The following PAX6 variants were observed in gnomAD, a reference collection of about 807,000 sequenced individuals.
PAX6 encodes the protein paired box 6, also known as paired box protein Pax-6.
PAX6 carries 7 observed loss-of-function variants against 60.7 expected under a neutral mutation model. The ratio of observed to expected loss-of-function variants is 0.12; its 90% CI spans 0.07 to 0.22. PAX6 has a LOEUF of 0.22. Among genes scored for constraint, PAX6 ranks in the 10% least tolerant of loss-of-function variants. PAX6 has a pLI of 1.00. For synonymous variants in PAX6, 208 were observed against 201.2 expected, an observed-to-expected ratio of 1.03 and a Z score of -0.29; for missense variants, 355 against 555.2, an observed-to-expected ratio of 0.64 and a Z score of 3.62.
intron 7 of PAX6, chr11:31,801,252 G>A (rs1023851382): frequency 3.6e-6 from 5 of 1,374,490 alleles, no homozygotes; most frequent in South Asian, 1.5e-5. Context: ...TCTGGCAGGT[G>A]GATTAGGACG....
upstream of PAX6, chr11:31,812,077 T>A (rs1233119607): frequency 6.6e-6 from 1 of 152,228 alleles, no homozygotes; most frequent in Non-Finnish European, 1.5e-5. Flanking sequence ...GAGGCCCGAG[T>A]AAACACGCCA....
chr11:31,790,720 G>A lies in PAX6; in HGVS notation c.1215C>T (p.Thr405=), dbSNP rs886038486. Residue 405 remains threonine, a synonymous_variant, in exon 13 of 14, where the codon ACC becomes ACT. Transcript: ENST00000640368. ...MNSQPMGTSG[T]TSTGLISPGV... Reference sequence around the variant, plus strand: ...AAAGCAGTGGCTCACCTGTTGAAGTGGTGCCCGAGGTGCCCATTGGCTGAC... The same window carrying A: ...AAAGCAGTGGCTCACCTGTTGAAGTAGTGCCCGAGGTGCCCATTGGCTGAC... 1.9e-6 allele frequency: 3 copies of A among 1,613,906 alleles called. No individual in the cohort carries two copies. The East Asian group carries it at 6.7e-5, about 36-fold the overall frequency.
At chr11:31,801,104 G>T in intron 7 of PAX6, 1 of 777,504 alleles carries the variant, frequency 1.3e-6, no homozygotes, top group South Asian at 1.8e-5. Flanking sequence ...TGTCTCTGGT[G>T]ACCTAACTCA....
intron 9 of PAX6, 129 bp from the exon 10 acceptor site, chr11:31,794,243 T>TA: frequency 1.3e-6 from 1 of 776,308 alleles, no homozygotes; most frequent in Non-Finnish European, 2.3e-6. Context: ...AAAATGCTTC[T>TA]AGTGTTGACT....
chr11:31,802,933 C>A, intron 4 of PAX6, 99 bp from the exon 5 acceptor site: 1 of 1,192,420 alleles, frequency 8.4e-7, no homozygotes, highest in Non-Finnish European at 1.2e-6. Flanking sequence ...TGAGGGAGAA[C>A]AAGAACAGAA....
chr11:31,802,876 G>A lies in PAX6; in HGVS notation c.11-42C>T, dbSNP rs753207250. ...GAGAGGAAAGGGGAAAAGAAGAGAA[G>A]AGAGCAGAGTGAAGAGGAAGAAGAG... On this transcript the variant is annotated intron_variant, in intron 4 of 13. Coordinates refer to ENST00000640368, the MANE Select transcript of PAX6 (RefSeq NM_001368894.2). 2.7e-5 allele frequency: 43 copies of A among 1,594,342 alleles called. No individual in the cohort carries two copies. In the East Asian group the frequency reaches 9.6e-4, roughly 36 times the overall value.
chr11:31,800,942 G>A lies in PAX6; in HGVS notation c.400-86C>T, dbSNP rs190114442. 5.8e-5 allele frequency: 82 copies of A among 1,415,340 alleles called. No individual in the cohort carries two copies. In the East Asian group the frequency reaches 1.5e-3, roughly 25 times the overall value. The allele number at this position is 1,415,340 out of a possible 1,614,324, so 87.7% of individuals were successfully genotyped here. On this transcript the variant is annotated intron_variant, in intron 7 of 13. Transcript: ENST00000640368. ...CTCAGCTCACCCACAACCTTAAAAA[G>A]CAACTCTCAACCCGTTAAAAAGCTC...
chr11:31,816,535 A>G (rs1957382652), intron 1 of PAX6: 1 of 702,492 alleles, frequency 1.4e-6, no homozygotes, highest in Non-Finnish European at 2.6e-6. Flanking sequence ...GCTGGGTTTG[A>G]TTTATGACTG....
At chr11:31,808,438 A>G (rs1828282161) in intron 2 of PAX6, 1 of 152,216 alleles carries the variant, frequency 6.6e-6, no homozygotes, top group South Asian at 2.1e-4. Flanking sequence ...CATGCCCTGG[A>G]TAGGCAAAAT....
intron 2 of PAX6, chr11:31,808,935 A>G (rs891332244): frequency 6.6e-6 from 1 of 152,200 alleles, no homozygotes; most frequent in Non-Finnish European, 1.5e-5. Flanking sequence ...GGGGCCATAG[A>G]ACCACATCCT....
chr11:31,793,846 C>G, intron 10 of PAX6, 44 bp from the exon 11 acceptor site: 2 of 1,612,156 alleles, frequency 1.2e-6, no homozygotes, highest in Non-Finnish European at 1.7e-6. Context: ...CTACGTCGAG[C>G]CCAGCCCCAC....
intron 5 of PAX6, 159 bp from the exon 6 acceptor site, chr11:31,802,071 CT>C (rs1954115656): frequency 7.4e-6 from 5 of 679,600 alleles, no homozygotes; most frequent in Non-Finnish European, 1.3e-5. Flanking sequence ...AAAAAAAAAA[CT>C]TTTCTTAAAC....
upstream of PAX6, chr11:31,814,693 C>T (rs1269129349): frequency 6.6e-6 from 1 of 152,424 alleles, no homozygotes; most frequent in African/African-American, 2.4e-5. Flanking sequence ...AAGGCAAAGG[C>T]TCCCATCCCG....
chr11:31,790,283 T>G (rs1031882959), intron 13 of PAX6: 2 of 581,144 alleles, frequency 3.4e-6, no homozygotes, highest in Non-Finnish European at 5.4e-6. Context: ...CTCTGTTTGT[T>G]TGCATGTTTG....
chr11:31,798,672 G>A (rs1165091711), intron 8 of PAX6, among the ~76,000 whole-genome samples: 3 of 152,238 alleles, frequency 2.0e-5, no homozygotes, highest in African/African-American at 7.2e-5. Context: ...GGGTGGGGGG[G>A]TGGTGATTGC....
intron 2 of PAX6, chr11:31,810,286 C>G (rs1468292542): frequency 2.0e-5 from 3 of 152,244 alleles, no homozygotes; most frequent in Admixed American, 1.3e-4. Context: ...GCACAAAGCC[C>G]GAGGGCCGGC....
At chr11:31,816,947 G>C (rs1383515044) in intron 1 of PAX6, among the ~76,000 whole-genome samples, 2 of 152,244 alleles carry the variant, frequency 1.3e-5, no homozygotes, top group Non-Finnish European at 2.9e-5. Context: ...CTTTCGCCCG[G>C]CTGAACCACA....
At chr11:31,797,483 C>G (rs985278514) in intron 8 of PAX6, among the ~76,000 whole-genome samples, 1 of 117,032 alleles carries the variant, frequency 8.5e-6, no homozygotes, top group African/African-American at 3.3e-5. Context: ...TCAGCAGGGA[C>G]AGTAGAGCTC....
chr11:31,801,459 G>A lies in PAX6; in HGVS notation c.399+102C>T, dbSNP rs1423091553. On this transcript the variant is annotated intron_variant, in intron 7 of 13. Transcript: ENST00000640368. ...AGGAGACAAATGTGGAGCAGGGAGAGGACACAGACTAAGAGACAGTGGAGA... is the reference window on the plus strand; with the variant it reads ...AGGAGACAAATGTGGAGCAGGGAGAAGACACAGACTAAGAGACAGTGGAGA... The A allele has an allele frequency of 8.8e-6, 14 of 1,593,460 alleles. No individual in the cohort carries two copies. In the East Asian group the frequency reaches 2.7e-4, roughly 31 times the overall value.
Sources: gnomAD v4.1 joint callset for allele counts (sites outside exome capture counted in the v4.1 genomes callset) on GRCh38, gnomAD v4.1.1 for gene constraint, MANE v1.5 for transcripts, NCBI Gene and HGNC (gene_info 2026-07-23, HGNC 2026-07-21) for gene names.